The following TRAF3 variants were observed in gnomAD, a reference collection of about 807,000 sequenced individuals.
TRAF3 encodes TNF receptor associated factor 3.
Under a neutral mutation model 62.3 loss-of-function variants are expected in TRAF3, and 13 were observed. That is an observed-to-expected ratio of 0.21 (90% CI 0.14 to 0.33). The LOEUF (loss-of-function observed/expected upper bound fraction) is 0.33. Among genes scored for constraint, TRAF3 ranks in the 10% least tolerant of loss-of-function variants. The pLI is 1.00. For synonymous variants in TRAF3, 269 were observed against 283.4 expected, an observed-to-expected ratio of 0.95 and a Z score of 0.51; for missense variants, 440 against 741.8, an observed-to-expected ratio of 0.59 and a Z score of 4.73.
Position 102,875,606 on chromosome 14 carries a change from A to G in TRAF3, c.298-18A>G, listed in dbSNP as rs777702445. 7.5e-6 allele frequency: 12 copies of G among 1,603,952 alleles called. No homozygotes were observed. The East Asian group carries it at 2.7e-4, about 36-fold the overall frequency. On this transcript the variant is annotated intron_variant, in intron 4 of 11. Transcript: ENST00000392745. ...TAAGAAATATTAATCCTCCAAAATA[A>G]TGATCTTTCATTTTCAGGTGTTTAA...
At chr14:102,828,405 G>C (rs968287942) in intron 1 of TRAF3, among the ~76,000 whole-genome samples, 1 of 152,210 alleles carries the variant, frequency 6.6e-6, no homozygotes, top group African/African-American at 2.4e-5. Flanking sequence ...TACTCCTCCG[G>C]ACCTGGCAGT....
chr14:102,820,594 ATATATATATATATATATATATTTTTTT>A (rs1899862347), intron 1 of TRAF3, among the ~76,000 whole-genome samples: 2 of 10,096 alleles, frequency 2.0e-4, no homozygotes, highest in African/African-American at 3.8e-4. Context: ...ATATATATAT[ATATATATATATATATATATATTTTTTT>A]TTTTTTTTTT....
At chr14:102,890,872 G>T (rs1239980905) in intron 8 of TRAF3, among the ~76,000 whole-genome samples, 1 of 152,126 alleles carries the variant, frequency 6.6e-6, no homozygotes, top group Admixed American at 6.6e-5. Context: ...TTTGAATCCT[G>T]CTTTGCTTAC....
rs575298739 is a variant in TRAF3, at chr14:102,897,535, C to T, written c.960+134C>T. The T allele has an allele frequency of 1.3e-4, 166 of 1,234,114 alleles. 2 individuals carry two copies. In the South Asian group the frequency reaches 2.2e-3, roughly 16 times the overall value. 76.4% of individuals were successfully genotyped at this position (1,234,114 alleles called of 1,614,324 possible). Reference sequence around the variant, plus strand: ...CAGAAAGGCAACTGATTTCTCTGGCCTAAGTGAAGGCTTAGAAAAGGCAGC... The same window carrying T: ...CAGAAAGGCAACTGATTTCTCTGGCTTAAGTGAAGGCTTAGAAAAGGCAGC... On this transcript the variant is annotated intron_variant, in intron 10 of 11. Coordinates refer to ENST00000392745, the MANE Select transcript of TRAF3 (RefSeq NM_145725.3).
At chr14:102,788,841 C>T (rs991816232) in intron 1 of TRAF3, among the ~76,000 whole-genome samples, 1 of 152,022 alleles carries the variant, frequency 6.6e-6, no homozygotes, top group Non-Finnish European at 1.5e-5. Flanking sequence ...GTGGCTTGAG[C>T]CTGTATGTAG....
rs556420224 is a variant in TRAF3, at chr14:102,791,407, T to G, written c.-157+13732T>G. On this transcript the variant is annotated intron_variant, in intron 1 of 11. Coordinates refer to ENST00000392745, the MANE Select transcript of TRAF3 (RefSeq NM_145725.3). ...TGTTAGTGTACAAATCATTCATCTC[T>G]TTGGATAAATTTATTTCTGGGTGCT... Among the ~76,000 whole-genome samples, 10 of 152,358 alleles carry G rather than the reference T, an allele frequency of 6.6e-5. 3 individuals are homozygous for G. Among genetic ancestry groups the G allele is most frequent in the African/African-American group, 2.2e-4 (9 of 41,584 alleles).
At chr14:102,902,697 G>A (rs1013691209) in intron 10 of TRAF3, among the ~76,000 whole-genome samples, 3 of 152,232 alleles carry the variant, frequency 2.0e-5, no homozygotes, top group African/African-American at 7.2e-5. Flanking sequence ...CCGCACAGGT[G>A]CTGTGGCCTG....
At chr14:102,881,177 A>C (rs962104731) in intron 6 of TRAF3, among the ~76,000 whole-genome samples, 3 of 152,160 alleles carry the variant, frequency 2.0e-5, no homozygotes, top group African/African-American at 7.2e-5. Flanking sequence ...TGAGGTCAGG[A>C]GTTCAAGACC....
At chr14:102,894,077 A>G (rs1889872723) in intron 9 of TRAF3, among the ~76,000 whole-genome samples, 2 of 152,302 alleles carry the variant, frequency 1.3e-5, no homozygotes, top group African/African-American at 4.8e-5. Flanking sequence ...CTGTAATCCT[A>G]GCACTTTGGG....
In TRAF3 at chr14:102,906,987, C is replaced by T. The variant is rs549992209; in HGVS notation, c.*1203C>T. 1 of 152,252 alleles carries T rather than the reference C, an allele frequency of 6.6e-6. No homozygotes were observed. Among genetic ancestry groups the T allele is most frequent in the Non-Finnish European group, 1.5e-5 (1 of 68,048 alleles). 9.4% of individuals were successfully genotyped at this position (152,252 alleles called of 1,614,324 possible). A position where few individuals can be genotyped will look rare whatever the true frequency, so the allele number is the denominator to read the frequency against. On this transcript the variant is annotated 3_prime_UTR_variant, in exon 12 of 12. Coordinates refer to ENST00000392745, the MANE Select transcript of TRAF3 (RefSeq NM_145725.3). ...AGTGCTAGTTTAACCAGACTTTTCTCTCCACCACTAGATCTTTGTCTCTAC... is the reference window on the plus strand; with the variant it reads ...AGTGCTAGTTTAACCAGACTTTTCTTTCCACCACTAGATCTTTGTCTCTAC...
intron 2 of TRAF3, among the ~76,000 whole-genome samples, chr14:102,842,599 T>C (rs2139684954): frequency 6.6e-6 from 1 of 152,162 alleles, no homozygotes; most frequent in East Asian, 1.9e-4. Flanking sequence ...TTTTCCAAAT[T>C]TGATGAAAAA....
At chr14:102,874,507 C>G (rs1888530696) in intron 4 of TRAF3, among the ~76,000 whole-genome samples, 1 of 152,122 alleles carries the variant, frequency 6.6e-6, no homozygotes, top group South Asian at 2.1e-4. Context: ...GATCCACCCA[C>G]CTCGGCCTCC....
intron 1 of TRAF3, among the ~76,000 whole-genome samples, chr14:102,803,592 T>TA (rs1898581692): frequency 6.6e-6 from 1 of 151,760 alleles, no homozygotes; most frequent in Admixed American, 6.6e-5. Context: ...TTTTTTTTTT[T>TA]AAGAGACAGG....
intron 11 of TRAF3, 137 bp from the exon 12 acceptor site, chr14:102,905,076 C>T: frequency 1.1e-6 from 1 of 882,956 alleles, no homozygotes; most frequent in South Asian, 1.4e-5. Context: ...GGTGCCACTG[C>T]ACTCCAGTCT....
chr14:102,828,025 T>TCGTAGCG (rs1238726250), intron 1 of TRAF3, among the ~76,000 whole-genome samples: 1 of 152,152 alleles, frequency 6.6e-6, no homozygotes, highest in Non-Finnish European at 1.5e-5. Flanking sequence ...AGAGGGGGCG[T>TCGTAGCG]CGTAGCGCAC....
At chr14:102,822,061 A>C (rs1246033585) in intron 1 of TRAF3, among the ~76,000 whole-genome samples, 2 of 152,194 alleles carry the variant, frequency 1.3e-5, no homozygotes, top group Non-Finnish European at 2.9e-5. Context: ...AAAATACAAT[A>C]AAATAAAAGA....
At chr14:102,840,147 C>T (rs766862325) in intron 2 of TRAF3, among the ~76,000 whole-genome samples, 12 of 151,824 alleles carry the variant, frequency 7.9e-5, no homozygotes, top group Admixed American at 2.0e-4. Flanking sequence ...TCTCAGTAAT[C>T]GAGATTATTA....
rs763938905 is a variant in TRAF3 at position 102,903,062 on chromosome 14, A to G, written c.961-193A>G. ...ACCTCGAGTGCTCCCTGCCGGCACAAGCACTTGATCCCAGGGAGCTCCCAG... is the reference window on the plus strand; with the variant it reads ...ACCTCGAGTGCTCCCTGCCGGCACAGGCACTTGATCCCAGGGAGCTCCCAG... On this transcript the variant is annotated intron_variant, in intron 10 of 11. Transcript: ENST00000392745. This position sits in a 1 kb window ranked among gnomAD's most constrained non-coding sequence, Gnocchi z 6.4. 13 of 731,840 alleles carry G rather than the reference A, an allele frequency of 1.8e-5. No individual in the cohort carries two copies. The highest frequency in any genetic ancestry group is 2.2e-5 in the Non-Finnish European group (9 of 416,924). 45.3% of individuals were successfully genotyped at this position (731,840 alleles called of 1,614,324 possible).
intron 6 of TRAF3, among the ~76,000 whole-genome samples, chr14:102,885,134 G>A (rs1297906973): frequency 6.6e-6 from 1 of 152,150 alleles, no homozygotes; most frequent in African/African-American, 2.4e-5. Context: ...CTGCAGAGTT[G>A]GGCCTTAGAA....
Sources: gnomAD v4.1 joint callset for allele counts (sites outside exome capture counted in the v4.1 genomes callset) on GRCh38, gnomAD v4.1.1 for gene constraint, Gnocchi (gnomAD v3.1) non-coding constraint, MANE v1.5 for transcripts, NCBI Gene and HGNC (gene_info 2026-07-23, HGNC 2026-07-21) for gene names.